The following KIF16B variants were observed in gnomAD, a reference collection of about 807,000 sequenced individuals.
KIF16B encodes the protein kinesin family member 16B, also known as kinesin-like protein KIF16B.
A neutral mutation model predicts 156.3 loss-of-function variants in KIF16B; 98 were observed. The ratio of observed to expected loss-of-function variants is 0.63; its 90% CI spans 0.53 to 0.74. KIF16B has a LOEUF of 0.74. KIF16B is among the 30% of genes least tolerant of loss of function. The pLI is 0.00. For missense variants in KIF16B, 1,421 were observed against 1,606.5 expected (o/e 0.88, Z 1.97); for synonymous variants, 564 against 583.7 (o/e 0.97, Z 0.49).
At chr20:16,374,215 C>G in intron 20 of KIF16B, 42 bp downstream of exon 20, 1 of 1,482,742 alleles carries the variant, frequency 6.7e-7, no homozygotes, top group Non-Finnish European at 9.0e-7. Flanking sequence ...GTCCTTGAGT[C>G]ACATCAAATG....
At chr20:16,546,666 A>G (rs1600671956) in intron 1 of KIF16B, among the ~76,000 whole-genome samples, 1 of 152,338 alleles carries the variant, frequency 6.6e-6, no homozygotes, top group Admixed American at 6.5e-5. Context: ...AATCTTCAAA[A>G]GCTTTGTTCA....
chr20:16,366,330 G>A (rs959745893), intron 22 of KIF16B, among the ~76,000 whole-genome samples: 3 of 152,160 alleles, frequency 2.0e-5, no homozygotes, highest in African/African-American at 7.2e-5. Context: ...GTACCTCTAA[G>A]GGGACTATAT....
chr20:16,567,735 G>C (rs944229645), intron 1 of KIF16B, among the ~76,000 whole-genome samples: 4 of 152,146 alleles, frequency 2.6e-5, no homozygotes, highest in Non-Finnish European at 5.9e-5. Context: ...CGGATCATGA[G>C]GTCGGGAGAT....
intron 1 of KIF16B, among the ~76,000 whole-genome samples, chr20:16,531,386 A>G (rs570409150): frequency 6.6e-6 from 1 of 152,246 alleles, no homozygotes; most frequent in Non-Finnish European, 1.5e-5. Context: ...AAAATAAAGA[A>G]GTAATAACAA....
At chr20:16,464,449 T>C (rs967052492) in intron 12 of KIF16B, among the ~76,000 whole-genome samples, 5 of 152,256 alleles carry the variant, frequency 3.3e-5, no homozygotes, top group Non-Finnish European at 7.3e-5. Flanking sequence ...ATCAAATCTC[T>C]AGGGTTTTAG....
At chr20:16,560,050 T>C (rs1407787477) in intron 1 of KIF16B, among the ~76,000 whole-genome samples, 1 of 152,170 alleles carries the variant, frequency 6.6e-6, no homozygotes, top group Non-Finnish European at 1.5e-5. Context: ...TTGCAAATTC[T>C]TATAAATACT....
At chr20:16,421,523 C>G (rs1998085) in intron 15 of KIF16B, among the ~76,000 whole-genome samples, 1 of 152,034 alleles carries the variant, frequency 6.6e-6, no homozygotes, top group African/African-American at 2.4e-5. Context: ...AAAACATGTT[C>G]CATTTCCCAT....
At chr20:16,437,788 G>A (rs554356500) in intron 12 of KIF16B, among the ~76,000 whole-genome samples, 14 of 152,146 alleles carry the variant, frequency 9.2e-5, no homozygotes, top group Non-Finnish European at 1.8e-4. Context: ...TGAATTTGAC[G>A]AGCAAGTGGT....
At chr20:16,557,721 A>G (rs1027747678) in intron 1 of KIF16B, among the ~76,000 whole-genome samples, 1 of 152,198 alleles carries the variant, frequency 6.6e-6, no homozygotes, top group Non-Finnish European at 1.5e-5. Context: ...GCTGGCAGCC[A>G]GCAGACAGCA....
intron 15 of KIF16B, 24 bp downstream of exon 15, chr20:16,427,080 C>T (rs41276374): frequency 8.8e-6 from 14 of 1,583,976 alleles, no homozygotes; most frequent in South Asian, 1.2e-5. Flanking sequence ...TATACAAAGA[C>T]CTGTGAAAAT....
chr20:16,503,864 G>A (rs879334615), intron 10 of KIF16B, among the ~76,000 whole-genome samples: 5 of 152,186 alleles, frequency 3.3e-5, no homozygotes, highest in East Asian at 1.9e-4. Flanking sequence ...ACAATCAAGC[G>A]AGGGCCCAGG....
At chr20:16,462,393 C>T (rs556676883) in intron 12 of KIF16B, among the ~76,000 whole-genome samples, 2 of 152,312 alleles carry the variant, frequency 1.3e-5, no homozygotes, top group South Asian at 4.1e-4. Context: ...TTAACTGCTA[C>T]CCATGCTAAA....
At chr20:16,296,236 G>A (rs760461889) in intron 25 of KIF16B, among the ~76,000 whole-genome samples, 7 of 152,218 alleles carry the variant, frequency 4.6e-5, no homozygotes, top group Non-Finnish European at 1.0e-4. Context: ...CAACAGAGGA[G>A]TGAGTTTATG....
At position 16,427,121 on chromosome 20, in the gene KIF16B, G is replaced by T. The variant is rs767426859; in HGVS notation, c.1595C>A (p.Ala532Asp). Residue 532 changes from alanine (A) to aspartate (D), a missense_variant, in exon 15 of 26, where the codon GCC (alanine) becomes GAC (aspartate). Ala to Asp is a moderately radical substitution (Grantham distance 126, BLOSUM62 -2). Transcript: ENST00000354981. ...CCAGATACCTTGATTTAGATGTGTGGCCTCCACGATCTGAACACCATTCAC... is the reference window on the plus strand; with the variant it reads ...CCAGATACCTTGATTTAGATGTGTGTCCTCCACGATCTGAACACCATTCAC... Reference protein sequence around the residue: ...CSVNGVQIVEATHLNQGAVIL... With the variant: ...CSVNGVQIVEDTHLNQGAVIL... 6.2e-7 allele frequency: 1 copy of T among 1,607,014 alleles called. No homozygotes were observed. The highest frequency in any genetic ancestry group is 8.5e-7 in the Non-Finnish European group (1 of 1,176,680).
intron 3 of KIF16B, 78 bp from the exon 4 acceptor site, chr20:16,515,742 C>T (rs2069123644): frequency 9.1e-6 from 7 of 768,388 alleles, no homozygotes; most frequent in South Asian, 6.2e-5. Flanking sequence ...TGACAATGTT[C>T]TTGAATGATA....
intron 12 of KIF16B, among the ~76,000 whole-genome samples, chr20:16,474,693 A>C (rs1466953297): frequency 6.6e-6 from 1 of 152,214 alleles, no homozygotes; most frequent in Admixed American, 6.5e-5. Context: ...GGTCACAAAA[A>C]TGTCTCAAAA....
At chr20:16,500,341 T>C (rs951049883) in intron 10 of KIF16B, among the ~76,000 whole-genome samples, 32 of 152,166 alleles carry the variant, frequency 2.1e-4, no homozygotes, top group Non-Finnish European at 1.5e-5. Flanking sequence ...TGTGTTATGA[T>C]GTTGTCTTAT....
intron 22 of KIF16B, chr20:16,366,797 CACAG>C (rs2064676300): frequency 6.8e-6 from 7 of 1,028,686 alleles, no homozygotes; most frequent in South Asian, 7.5e-5. Context: ...ATCCAGTAGG[CACAG>C]ACAGATTCCA....
At chr20:16,340,949 G>C (rs1005105363) in intron 23 of KIF16B, among the ~76,000 whole-genome samples, 8 of 152,084 alleles carry the variant, frequency 5.3e-5, no homozygotes, top group African/African-American at 1.9e-4. Flanking sequence ...GCAAGAAGAA[G>C]ATAAAATCCC....
Sources: allele counts gnomAD v4.1 joint callset (sites outside exome capture counted in the v4.1 genomes callset), GRCh38; gene constraint gnomAD v4.1.1; transcripts MANE v1.5; gene names NCBI Gene and HGNC (gene_info 2026-07-23, HGNC 2026-07-21).